Variants in NCOA3 observed in about 807,000 individuals in gnomAD.
The protein encoded by NCOA3 is nuclear receptor coactivator 3.
In NCOA3, 51 loss-of-function variants were observed where a neutral mutation model predicts 158.8. The ratio of observed to expected loss-of-function variants is 0.32; its 90% confidence interval spans 0.26 to 0.41. The LOEUF (loss-of-function observed/expected upper bound fraction) is 0.41, where lower values mean the gene tolerates loss of function less well. Ranked by LOEUF, NCOA3 falls within the 10% of genes least tolerant of loss-of-function variation. The pLI, the probability that NCOA3 is intolerant of heterozygous loss-of-function variation, is 1.00. For synonymous variants in NCOA3, 537 were observed against 592.4 expected (o/e 0.91, Z 1.36); for missense variants, 1,510 against 1,746.6 (o/e 0.86, Z 2.41).
chr20:47,512,157 A>C (rs2084152458), intron 1 of NCOA3, among the ~76,000 whole-genome samples: 1 of 152,202 alleles, frequency 6.6e-6, no homozygotes, highest in African/African-American at 2.4e-5. Context: ...CTATGAAAAA[A>C]AAATAGGAAA....
chr20:47,625,416 G>GCC lies in NCOA3; in HGVS notation c.293_294dup (p.Asp99ProfsTer16). 1 of 1,613,704 alleles carries GCC rather than the reference G, an allele frequency of 6.2e-7. No homozygotes were observed. The highest frequency in any genetic ancestry group is 8.5e-7 in the Non-Finnish European group (1 of 1,179,790). On this transcript the variant is annotated frameshift_variant, in exon 5 of 23. Coordinates refer to ENST00000371998, the MANE Select transcript of NCOA3 (RefSeq NM_181659.3). LOFTEE classifies it high-confidence loss of function. ...TTCCAATGATGATGATGTTCAAAAA[G>GCC]CCGATGTATCTTCTACAGGGCAGGG...
chr20:47,613,368 T>TTGTTTTTC lies in NCOA3; in HGVS notation c.-19-8854_-19-8847dup, dbSNP rs2086074391. Among the ~76,000 whole-genome samples the TTGTTTTTC allele has an allele frequency of 2.6e-5, 4 of 151,870 alleles. No individual in the cohort carries two copies. The South Asian group carries it at 8.3e-4, about 32-fold the overall frequency. ...TTTTTTTAACACTTACCAAATTTAA[T>TTGTTTTTC]TGTTTTTCTGTTTTCCTGTTCTGCT... On this transcript the variant is annotated intron_variant, in intron 2 of 22. Coordinates refer to ENST00000371998, the MANE Select transcript of NCOA3 (RefSeq NM_181659.3).
In NCOA3 at chr20:47,525,860, C is replaced by T. The variant is rs1347572684; in HGVS notation, c.-99+23841C>T. On this transcript the variant is annotated intron_variant, in intron 1 of 22. Transcript: ENST00000371998. ...GGCCGGGCAGAGGTGCCCCTCACTT[C>T]CCGGATGGGGCGGCTGGCCGGGCGG... Among the ~76,000 whole-genome samples the T allele has an allele frequency of 1.1e-3, 146 of 136,128 alleles. 2 individuals carry two copies. Among genetic ancestry groups the T allele is most frequent in the African/African-American group, 3.8e-3 (138 of 36,034 alleles). 89.3% of individuals were successfully genotyped at this position (136,128 alleles called of 152,430 possible). A position where few individuals can be genotyped will look rare whatever the true frequency, so the allele number is the denominator to read the frequency against.
At chr20:47,633,829 G>A (rs2086461650) in intron 9 of NCOA3, among the ~76,000 whole-genome samples, 193 bp downstream of exon 9, 1 of 152,196 alleles carries the variant, frequency 6.6e-6, no homozygotes, top group African/African-American at 2.4e-5. Context: ...TTGTCATTAT[G>A]TTTGGTATAC....
rs1416640472 is a variant in NCOA3 at position 47,654,491 on chromosome 20, T to C, written c.*1074T>C. On this transcript the variant is annotated 3_prime_UTR_variant, in exon 23 of 23. Transcript: ENST00000371998. ...AGTTTGTGAAGCTAAATATTTAACA[T>C]TGTTGATTTCAGTAAGCTGTGTGGT... 4 of 152,572 alleles carry C rather than the reference T, an allele frequency of 2.6e-5. No homozygotes were observed. The highest frequency in any genetic ancestry group is 9.7e-5 in the African/African-American group (4 of 41,436). The allele number at this position is 152,572 out of a possible 1,614,324, so 9.5% of individuals were successfully genotyped here.
chr20:47,599,949 C>T (rs994818867), intron 2 of NCOA3, among the ~76,000 whole-genome samples: 2 of 152,062 alleles, frequency 1.3e-5, no homozygotes, highest in African/African-American at 4.8e-5. Context: ...TCAATGTTTG[C>T]TCTCAAGTTT....
rs182949851 is a variant in NCOA3, at chr20:47,547,453, C to T, written c.-98-35730C>T. Among the ~76,000 whole-genome samples the T allele has an allele frequency of 1.1e-4, 17 of 151,848 alleles. No homozygotes were observed. The East Asian group carries it at 2.7e-3, about 24-fold the overall frequency. ...TTTTAGACGGAGTCTCGCTCTGCCACCCAGGCTAGAGTGCAGTGGTGCGAT... is the reference window on the plus strand; with the variant it reads ...TTTTAGACGGAGTCTCGCTCTGCCATCCAGGCTAGAGTGCAGTGGTGCGAT... On this transcript the variant is annotated intron_variant, in intron 1 of 22. Coordinates refer to ENST00000371998, the MANE Select transcript of NCOA3 (RefSeq NM_181659.3).
intron 1 of NCOA3, among the ~76,000 whole-genome samples, chr20:47,520,061 C>CAAAA (rs35406814): frequency 3.6e-4 from 12 of 32,894 alleles, no homozygotes; most frequent in Admixed American, 2.0e-3. Flanking sequence ...TGTGCCTGGC[C>CAAAA]AAAAAAAAAA....
rs755173294 is a variant in NCOA3, at chr20:47,542,009, GTTT to G, written c.-99+40009_-99+40011del. 3.7e-3 allele frequency among the ~76,000 whole-genome samples: 210 copies of G among 56,368 alleles called. 4 individuals carry two copies. The highest frequency in any genetic ancestry group is 0.015 in the African/African-American group (200 of 13,502). The allele number at this position is 56,368 out of a possible 152,430, so 37.0% of individuals were successfully genotyped here. On this transcript the variant is annotated intron_variant, in intron 1 of 22. Transcript: ENST00000371998. ...ATCAAATTATTTTTTGCCCTGTAGA[GTTT>G]TTTTTTTTTTTTTTTTTTGTTGTTG...
chr20:47,553,102 T>G lies in NCOA3; in HGVS notation c.-98-30081T>G, dbSNP rs72662703. Reference sequence around the variant, plus strand: ...GCACACACCACCATGTCCAGCTAATTTTCGTATTTTTATGTAGAGACGGGG... The same window carrying G: ...GCACACACCACCATGTCCAGCTAATGTTCGTATTTTTATGTAGAGACGGGG... On this transcript the variant is annotated intron_variant, in intron 1 of 22. Coordinates refer to ENST00000371998, the MANE Select transcript of NCOA3 (RefSeq NM_181659.3). Among the ~76,000 whole-genome samples, 671 of 151,954 alleles carry G rather than the reference T, an allele frequency of 4.4e-3. 4 individuals are homozygous for G. The highest frequency in any genetic ancestry group is 0.015 in the African/African-American group (635 of 41,420).
At chr20:47,535,674 A>G (rs2084621154) in intron 1 of NCOA3, among the ~76,000 whole-genome samples, 1 of 151,850 alleles carries the variant, frequency 6.6e-6, no homozygotes, top group South Asian at 2.1e-4. Flanking sequence ...CATCTGGCTA[A>G]TTTTTGTATT....
In NCOA3 at chr20:47,655,827, ACTG is replaced by A. The variant is rs2086862951; in HGVS notation, c.*2411_*2413del. The stretch of plus-strand genomic sequence containing the variant: ...TTTCCTCAGACCTGGCTCCAGGCTA[ACTG>A]GAAGGCAGCACTCCCTTTTTTATAT... On this transcript the variant is annotated 3_prime_UTR_variant, in exon 23 of 23. Transcript: ENST00000371998. 1 of 152,578 alleles carries A rather than the reference ACTG, an allele frequency of 6.6e-6. No homozygotes were observed. 9.5% of individuals were successfully genotyped at this position (152,578 alleles called of 1,614,324 possible). A position where few individuals can be genotyped will look rare whatever the true frequency, so the allele number is the denominator to read the frequency against.
At chr20:47,528,400 A>G (rs964104716) in intron 1 of NCOA3, among the ~76,000 whole-genome samples, 2 of 152,320 alleles carry the variant, frequency 1.3e-5, no homozygotes, top group Non-Finnish European at 2.9e-5. Context: ...ATTACTAACT[A>G]AAATGAAAAA....
intron 1 of NCOA3, among the ~76,000 whole-genome samples, chr20:47,559,455 T>C (rs2085064355): frequency 6.6e-6 from 1 of 152,184 alleles, no homozygotes; most frequent in Non-Finnish European, 1.5e-5. Context: ...TAAACCCTAC[T>C]GCATTTGTAC....
At chr20:47,622,405 C>T (rs571785855) in intron 3 of NCOA3, 75 bp downstream of exon 3, 1 of 988,354 alleles carries the variant, frequency 1.0e-6, no homozygotes, top group Non-Finnish European at 1.5e-6. Flanking sequence ...AACTTCTTGC[C>T]ATTTACATTC....
At chr20:47,548,056 G>T (rs1030901425) in intron 1 of NCOA3, among the ~76,000 whole-genome samples, 4 of 151,672 alleles carry the variant, frequency 2.6e-5, no homozygotes, top group Non-Finnish European at 5.9e-5. Flanking sequence ...TTAGCTTCCC[G>T]TCTCTTTAGG....
chr20:47,524,488 G>A (rs1034617996), intron 1 of NCOA3, among the ~76,000 whole-genome samples: 3 of 152,242 alleles, frequency 2.0e-5, no homozygotes, highest in South Asian at 2.1e-4. Flanking sequence ...AAAATGATAC[G>A]GCTCTAATGA....
At chr20:47,619,147 C>T (rs1602494952) in intron 2 of NCOA3, among the ~76,000 whole-genome samples, 1 of 152,132 alleles carries the variant, frequency 6.6e-6, no homozygotes, top group East Asian at 1.9e-4. Context: ...ATGGTAGGCC[C>T]CTTACTCCTT....
At chr20:47,642,161 C>G in intron 16 of NCOA3, 52 bp from the exon 17 acceptor site, 5 of 1,378,666 alleles carry the variant, frequency 3.6e-6, no homozygotes, top group Non-Finnish European at 4.9e-6. Context: ...TGATCTATTA[C>G]TCTTAGAAAA....
Sources: gnomAD v4.1 joint callset for allele counts (sites outside exome capture counted in the v4.1 genomes callset) on GRCh38, gnomAD v4.1.1 for gene constraint, MANE v1.5 for transcripts, NCBI Gene and HGNC (gene_info 2026-07-23, HGNC 2026-07-21) for gene names.